PPP2R2B: variants seen among roughly 807,000 people sequenced by gnomAD.
PPP2R2B encodes the protein serine/threonine-protein phosphatase 2A 55 kDa regulatory subunit B beta isoform.
In PPP2R2B, 5 loss-of-function variants were observed where a neutral mutation model predicts 46.0. The observed-to-expected ratio is 0.11, with a 90% confidence interval of 0.06 to 0.23. The LOEUF (loss-of-function observed/expected upper bound fraction) is 0.23. Among genes scored for constraint, PPP2R2B ranks in the 10% least tolerant of loss-of-function variants. PPP2R2B has a pLI of 1.00. For missense variants in PPP2R2B, 367 were observed against 575.0 expected (o/e 0.64, Z 3.70); for synonymous variants, 215 against 206.7 (o/e 1.04, Z -0.34).
chr5:146,748,204 T>G (rs1310324506), intron 2 of PPP2R2B, among the ~76,000 whole-genome samples: 2 of 152,174 alleles, frequency 1.3e-5, no homozygotes, highest in African/African-American at 4.8e-5. Flanking sequence ...AGCTAGTAAG[T>G]GGCGTAGCAG....
intron 1 of PPP2R2B, among the ~76,000 whole-genome samples, chr5:146,928,703 G>A (rs185847310): frequency 6.6e-5 from 10 of 152,104 alleles, no homozygotes; most frequent in African/African-American, 2.4e-4. Flanking sequence ...CTTAAACCCT[G>A]GTATACTATA....
At position 146,862,382 on chromosome 5, in the gene PPP2R2B, G is replaced by A. The variant is rs549096584; in HGVS notation, c.70+15620C>T. Among the ~76,000 whole-genome samples, 7 of 152,342 alleles carry A rather than the reference G, an allele frequency of 4.6e-5. No homozygotes were observed. In the East Asian group the frequency reaches 1.4e-3, roughly 29 times the overall value. On this transcript the variant is annotated intron_variant, in intron 2 of 9. Coordinates refer to ENST00000394411, the MANE Select transcript of PPP2R2B (RefSeq NM_181675.4). ...GATGTGGTCACTGCCTTCTTGGAGT[G>A]TCTGTCTTGTTGGGGAGATGACGTG...
At chr5:146,712,432 AT>A (rs1270539524) in intron 2 of PPP2R2B, among the ~76,000 whole-genome samples, 1 of 152,198 alleles carries the variant, frequency 6.6e-6, no homozygotes, top group Non-Finnish European at 1.5e-5. Flanking sequence ...GCAGGACCCA[AT>A]CTTTAATAAA....
intron 2 of PPP2R2B, among the ~76,000 whole-genome samples, chr5:146,744,417 C>T (rs991008156): frequency 5.9e-5 from 9 of 152,170 alleles, no homozygotes; most frequent in African/African-American, 2.2e-4. Context: ...GGCTTCAGTG[C>T]ACCATGGGGA....
chr5:146,748,173 A>G (rs73793251), intron 2 of PPP2R2B, among the ~76,000 whole-genome samples: 2 of 152,182 alleles, frequency 1.3e-5, no homozygotes, highest in Admixed American at 6.5e-5. Context: ...TGAGGCCCCA[A>G]GAGGCTGCCC....
At chr5:146,769,761 G>C (rs535547228) in intron 2 of PPP2R2B, among the ~76,000 whole-genome samples, 1 of 152,062 alleles carries the variant, frequency 6.6e-6, no homozygotes, top group Non-Finnish European at 1.5e-5. Flanking sequence ...ATACAAACAC[G>C]AGCAAGTCCT....
intron 5 of PPP2R2B, among the ~76,000 whole-genome samples, chr5:146,670,476 A>T (rs565227521): frequency 1.4e-5 from 2 of 144,262 alleles, no homozygotes; most frequent in South Asian, 4.5e-4. Flanking sequence ...TATGTGTACT[A>T]TTATTTATTT....
intron 1 of PPP2R2B, among the ~76,000 whole-genome samples, chr5:146,983,782 C>T (rs11167951): frequency 0.73 from 111,281 of 151,880 alleles, 41,612 homozygotes; most frequent in Admixed American, 0.83. Context: ...TTGTATATTG[C>T]CTTTTTTCTT....
Position 146,582,566 on chromosome 5 carries a change from C to T in PPP2R2B, c.*7381G>A, listed in dbSNP as rs1769944351. 1 of 152,242 alleles carries T rather than the reference C, an allele frequency of 6.6e-6. No homozygotes were observed. Among genetic ancestry groups the T allele is most frequent in the Non-Finnish European group, 1.5e-5 (1 of 68,052 alleles). The allele number at this position is 152,242 out of a possible 1,614,324, so 9.4% of individuals were successfully genotyped here. On this transcript the variant is annotated 3_prime_UTR_variant, in exon 10 of 10. Transcript: ENST00000394411. ...GACTCCTCTGAGCAGTCCTCTGATG[C>T]CCTGTTTGGATCTCCATATATCATT...
At chr5:147,029,999 T>C (rs1755706643) in intron 1 of PPP2R2B, among the ~76,000 whole-genome samples, 1 of 152,232 alleles carries the variant, frequency 6.6e-6, no homozygotes, top group Non-Finnish European at 1.5e-5. Flanking sequence ...TACATTTCTA[T>C]ATAAATTAAG....
intron 2 of PPP2R2B, among the ~76,000 whole-genome samples, chr5:147,062,692 G>A (rs7712933): frequency 0.03 from 4,491 of 151,948 alleles, 75 homozygotes; most frequent in African/African-American, 0.046. Context: ...TACAGGACAC[G>A]GCACCAAGAC....
chr5:146,727,240 T>C (rs1304361953), intron 2 of PPP2R2B, among the ~76,000 whole-genome samples: 1 of 150,236 alleles, frequency 6.7e-6, no homozygotes, highest in Non-Finnish European at 1.5e-5. Flanking sequence ...AAACATTTAT[T>C]TAAAAAAAAA....
At chr5:146,952,161 G>A (rs1238047104) in intron 1 of PPP2R2B, among the ~76,000 whole-genome samples, 1 of 151,988 alleles carries the variant, frequency 6.6e-6, no homozygotes, top group Non-Finnish European at 1.5e-5. Context: ...TCCCATGGGA[G>A]TAAAGGAATA....
intron 1 of PPP2R2B, among the ~76,000 whole-genome samples, chr5:147,031,011 C>T (rs924038273): frequency 6.6e-6 from 1 of 152,042 alleles, no homozygotes; most frequent in Admixed American, 6.5e-5. Context: ...CCAAGGCGGG[C>T]GGATCACGAG....
At position 146,950,795 on chromosome 5, in the gene PPP2R2B, G is replaced by A. The variant is rs185984573; in HGVS notation, c.79+104870C>T. On this transcript the variant is annotated intron_variant, in intron 1 of 8. Transcript: ENST00000336640. ...CTAAAGTCATGGTATAATTTCCAAG[G>A]TTTACATGAACAAATTAATGCTGTT... is the stretch of plus-strand genomic sequence containing the variant. Among the ~76,000 whole-genome samples, 165 of 151,988 alleles carry A rather than the reference G, an allele frequency of 1.1e-3. 1 individual carries two copies. Among genetic ancestry groups the A allele is most frequent in the African/African-American group, 3.7e-3 (155 of 41,476 alleles).
chr5:146,998,306 G>A (rs1418253437), intron 1 of PPP2R2B, among the ~76,000 whole-genome samples: 3 of 152,212 alleles, frequency 2.0e-5, no homozygotes, highest in Non-Finnish European at 4.4e-5. Flanking sequence ...TGAAAATGCA[G>A]GTGCTTCAAT....
At position 146,744,231 on chromosome 5, in the gene PPP2R2B, A is replaced by G. The variant is rs191486513; in HGVS notation, c.71-43089T>C. ...TCCCCTGCCCCCACCCTTTTAAATA[A>G]AAGAGGTTATTTGTGAATGCTCTTA... On this transcript the variant is annotated intron_variant, in intron 2 of 9. Transcript: ENST00000394411. 2.3e-3 allele frequency among the ~76,000 whole-genome samples: 357 copies of G among 152,252 alleles called. 1 individual carries two copies. The highest frequency in any genetic ancestry group is 8.2e-3 in the African/African-American group (339 of 41,532).
chr5:146,647,720 A>G (rs1010409177), intron 6 of PPP2R2B, among the ~76,000 whole-genome samples: 1 of 152,262 alleles, frequency 6.6e-6, no homozygotes, highest in Admixed American at 6.5e-5. Flanking sequence ...TTCAGAAAAC[A>G]TGTCACCTAG....
intron 2 of PPP2R2B, among the ~76,000 whole-genome samples, chr5:146,810,970 G>A (rs1252197584): frequency 1.3e-5 from 2 of 148,248 alleles, no homozygotes. Flanking sequence ...GAGAACATGC[G>A]GTGTTTGGTT....
Sources: allele counts gnomAD v4.1 joint callset (sites outside exome capture counted in the v4.1 genomes callset), GRCh38; gene constraint gnomAD v4.1.1; transcripts MANE v1.5; gene names NCBI Gene and HGNC (gene_info 2026-07-23, HGNC 2026-07-21).